ZBTB49: variants seen among roughly 807,000 people sequenced by gnomAD.
The protein encoded by ZBTB49 is zinc finger and BTB domain-containing protein 49.
ZBTB49 carries 43 observed loss-of-function variants against 57.5 expected under a neutral mutation model. The observed-to-expected ratio is 0.75, with a 90% CI of 0.59 to 0.97. ZBTB49 has a LOEUF of 0.97. Among genes scored for constraint, ZBTB49 ranks in the 50% least tolerant of loss-of-function variants. The pLI is 0.00. For missense variants in ZBTB49, 938 were observed against 947.7 expected (o/e 0.99, Z 0.13); for synonymous variants, 369 against 362.1 (o/e 1.02, Z -0.22).
chr4:4,308,670 C>T (rs1450674600), intron 4 of ZBTB49, among the ~76,000 whole-genome samples: 1 of 152,208 alleles, frequency 6.6e-6, no homozygotes, highest in Non-Finnish European at 1.5e-5. Context: ...CTACAGTGTC[C>T]ATGTGCTGTC....
chr4:4,304,293 T>A (rs1720645271), intron 3 of ZBTB49, among the ~76,000 whole-genome samples: 1 of 151,064 alleles, frequency 6.6e-6, no homozygotes, highest in Non-Finnish European at 1.5e-5. Context: ...TGGCACAATC[T>A]CGGCTCACTG....
intron 3 of ZBTB49, among the ~76,000 whole-genome samples, chr4:4,304,340 C>T (rs762502022): frequency 4.6e-5 from 7 of 151,856 alleles, no homozygotes; most frequent in Non-Finnish European, 7.4e-5. Context: ...ATTCTCCTGC[C>T]TGAGCCTCCC....
chr4:4,304,751 G>GT (rs1720664400), intron 3 of ZBTB49, among the ~76,000 whole-genome samples: 1 of 152,134 alleles, frequency 6.6e-6, no homozygotes, highest in Admixed American at 6.5e-5. Flanking sequence ...GATGTTAGTT[G>GT]TTTTTTCCTC....
intron 1 of ZBTB49, among the ~76,000 whole-genome samples, chr4:4,294,128 A>G (rs879375281): frequency 1.6e-4 from 25 of 152,236 alleles, no homozygotes; most frequent in Non-Finnish European, 3.5e-4. Context: ...AGTATTTGTC[A>G]TAATCATTAC....
intron 3 of ZBTB49, among the ~76,000 whole-genome samples, chr4:4,304,547 T>TA (rs1362613701): frequency 5.3e-5 from 8 of 152,158 alleles, no homozygotes; most frequent in African/African-American, 1.7e-4. Flanking sequence ...TTGTGAAACT[T>TA]ACCTGCTTAG....
intron 1 of ZBTB49, among the ~76,000 whole-genome samples, chr4:4,298,969 T>A (rs1344886556): frequency 6.6e-6 from 1 of 152,220 alleles, no homozygotes; most frequent in Admixed American, 6.5e-5. Context: ...TGGCGTGTTT[T>A]GTTCATTGCT....
Position 4,315,970 on chromosome 4 carries a change from G to A in ZBTB49, c.1621G>A (p.Gly541Arg), listed in dbSNP as rs1465294186. 3 of 1,613,618 alleles carry A rather than the reference G, an allele frequency of 1.9e-6. No individual in the cohort carries two copies. The highest frequency in any genetic ancestry group is 1.7e-6 in the Non-Finnish European group (2 of 1,179,812). The change falls in exon 7 of 8, where the codon GGG becomes AGG. Residue 541 changes from glycine to arginine, a missense_variant and splice_region_variant. Around this residue, in one of 3 missense-constraint regions of ZBTB49, gnomAD observed 835 missense variants for 819.1 expected, o/e 1.02. Transcript: ENST00000337872. ...GERPYSCSAC[G>R]KCFGGSGDLR... Reference sequence around the variant, plus strand: ...GCGGCCTTACAGCTGCTCTGCCTGCGGTGAGTTTGGGTTTCTGGCTGTCCC... The same window carrying A: ...GCGGCCTTACAGCTGCTCTGCCTGCAGTGAGTTTGGGTTTCTGGCTGTCCC...
chr4:4,299,835 T>G, intron 1 of ZBTB49, 92 bp from the exon 2 acceptor site: 1 of 1,089,166 alleles, frequency 9.2e-7, no homozygotes, highest in Non-Finnish European at 1.3e-6. Flanking sequence ...GATGAGAGAG[T>G]GAAGCACAGA....
chr4:4,291,638 G>A (rs2108861842), intron 1 of ZBTB49, among the ~76,000 whole-genome samples: 1 of 152,322 alleles, frequency 6.6e-6, no homozygotes, highest in Non-Finnish European at 1.5e-5. Flanking sequence ...GTGTACTTCA[G>A]TCTTGTTTGT....
intron 4 of ZBTB49, among the ~76,000 whole-genome samples, chr4:4,310,676 A>AT (rs33978308): frequency 0.048 from 6,672 of 139,478 alleles, 461 homozygotes; most frequent in East Asian, 0.31. Flanking sequence ...TGCCTGGCTA[A>AT]TTTTTTTTTT....
intron 1 of ZBTB49, among the ~76,000 whole-genome samples, chr4:4,297,446 A>C (rs1013284980): frequency 1.3e-5 from 2 of 152,140 alleles, no homozygotes; most frequent in African/African-American, 4.8e-5. Context: ...GGGAATGAAG[A>C]CACTGGGAAG....
At chr4:4,306,941 G>A (rs929439890) in intron 4 of ZBTB49, among the ~76,000 whole-genome samples, 4 of 152,224 alleles carry the variant, frequency 2.6e-5, no homozygotes, top group African/African-American at 9.6e-5. Flanking sequence ...TCCTGTGGCA[G>A]CAGTGCATGC....
intron 1 of ZBTB49, among the ~76,000 whole-genome samples, chr4:4,294,872 CG>C (rs1720114388): frequency 7.2e-6 from 1 of 138,010 alleles, no homozygotes; most frequent in Non-Finnish European, 1.6e-5. Flanking sequence ...AGGAGGGTTT[CG>C]TGTGTGTGTG....
At chr4:4,296,219 G>T (rs548717034) in intron 1 of ZBTB49, among the ~76,000 whole-genome samples, 1 of 152,340 alleles carries the variant, frequency 6.6e-6, no homozygotes, top group South Asian at 2.1e-4. Context: ...AAGCTGGAGA[G>T]GATGGTTGAG....
chr4:4,312,680 A>G (rs941409378), intron 4 of ZBTB49, among the ~76,000 whole-genome samples: 1 of 152,254 alleles, frequency 6.6e-6, no homozygotes, highest in Non-Finnish European at 1.5e-5. Context: ...TTTTAAATAC[A>G]TGGCCCAAAT....
At chr4:4,306,249 A>T in intron 4 of ZBTB49, 65 bp downstream of exon 4, 1 of 1,387,060 alleles carries the variant, frequency 7.2e-7, no homozygotes, top group Non-Finnish European at 1.0e-6. Context: ...TTTATTGGAA[A>T]TAAGACATAC....
intron 1 of ZBTB49, among the ~76,000 whole-genome samples, chr4:4,296,092 C>G (rs1437066750): frequency 6.6e-6 from 1 of 152,122 alleles, no homozygotes; most frequent in African/African-American, 2.4e-5. Flanking sequence ...TTGAGGGAGA[C>G]AGGTACAGGA....
chr4:4,304,039 A>G (rs1720630513), intron 3 of ZBTB49, among the ~76,000 whole-genome samples: 1 of 151,946 alleles, frequency 6.6e-6, no homozygotes, highest in African/African-American at 2.4e-5. Flanking sequence ...TATTATTGGG[A>G]GATTTCTTTG....
rs371111796 is a variant in ZBTB49 at position 4,302,313 on chromosome 4, A to G, written c.477A>G (p.Glu159=). The G allele has an allele frequency of 5.6e-6, 9 of 1,614,100 alleles. No individual in the cohort carries two copies. The African/African-American group carries it at 6.7e-5, about 12-fold the overall frequency. ...SENYPPHLLQ[E]CSADAQQNKT... is the part of the protein sequence containing the mutation. ...ACTACCCCCCTCATTTACTGCAGGA[A>G]TGTTCAGCAGATGCACAGCAGAACA... The change falls in exon 3 of 8, where the codon GAA becomes GAG. Residue 159 remains glutamate (E), a synonymous_variant. Transcript: ENST00000337872.
Sources: allele counts gnomAD v4.1 joint callset (sites outside exome capture counted in the v4.1 genomes callset), GRCh38; gene constraint gnomAD v4.1.1; regional missense constraint gnomAD v4.1.1; transcripts MANE v1.5; gene names NCBI Gene and HGNC (gene_info 2026-07-23, HGNC 2026-07-21).